Variants in RASAL2 observed in about 807,000 individuals in gnomAD.
RASAL2 encodes RAS protein activator like 2.
Under a neutral mutation model 128.9 loss-of-function variants are expected in RASAL2, and 58 were observed. That is an observed-to-expected ratio of 0.45 (90% CI 0.36 to 0.56). The LOEUF is 0.56. Among genes scored for constraint, RASAL2 ranks in the 20% least tolerant of loss-of-function variants. The probability of loss-of-function intolerance (pLI) is 0.00; values close to 1 mark genes in which losing one functional copy is unlikely to be tolerated. For missense variants in RASAL2, 1,360 were observed against 1,601.6 expected, an observed-to-expected ratio of 0.85 and a Z score of 2.57; for synonymous variants, 561 against 580.8, an observed-to-expected ratio of 0.97 and a Z score of 0.49.
At chr1:178,215,711 A>G (rs1241507916) in intron 1 of RASAL2, among the ~76,000 whole-genome samples, 2 of 152,172 alleles carry the variant, frequency 1.3e-5, no homozygotes, top group Admixed American at 6.5e-5. Flanking sequence ...AGTATTATGA[A>G]TGTTTATTTT....
chr1:178,305,005 A>G (rs1667926188), intron 3 of RASAL2, among the ~76,000 whole-genome samples: 1 of 152,240 alleles, frequency 6.6e-6, no homozygotes, highest in Non-Finnish European at 1.5e-5. Context: ...CTGTATGTTA[A>G]CAGTGAACAA....
intron 1 of RASAL2, among the ~76,000 whole-genome samples, chr1:178,201,101 A>G (rs1019589101): frequency 6.6e-6 from 1 of 152,220 alleles, no homozygotes; most frequent in African/African-American, 2.4e-5. Flanking sequence ...GAGTTCTCTA[A>G]TTTATATAAG....
At chr1:178,307,948 C>G (rs746128315) in intron 3 of RASAL2, among the ~76,000 whole-genome samples, 1 of 152,168 alleles carries the variant, frequency 6.6e-6, no homozygotes, top group Non-Finnish European at 1.5e-5. Flanking sequence ...AAATCCGAGG[C>G]TTTCTCAGTC....
intron 3 of RASAL2, chr1:178,341,438 C>G: frequency 5.5e-6 from 8 of 1,457,486 alleles, no homozygotes; most frequent in Non-Finnish European, 7.3e-6. Context: ...GGCATTGGCT[C>G]TGGCTTTTCT....
chr1:178,390,241 T>C (rs761847039), intron 4 of RASAL2, 35 bp downstream of exon 4: 2 of 1,489,178 alleles, frequency 1.3e-6, no homozygotes, highest in Non-Finnish European at 1.9e-6. Context: ...AATATTTTAC[T>C]TTTCCTTTTC....
At position 178,110,637 on chromosome 1, in the gene RASAL2, C is replaced by CATATATATATATATATATATATATATAT. The variant is rs1553250958; in HGVS notation, c.202+15959_202+15960insATATATATATATATATATATATATATAT. Among the ~76,000 whole-genome samples, 71 of 15,616 alleles carry CATATATATATATATATATATATATATAT rather than the reference C, an allele frequency of 4.5e-3. 1 individual carries two copies. The highest frequency in any genetic ancestry group is 8.8e-3 in the East Asian group (4 of 452). The allele number at this position is 15,616 out of a possible 152,430, so 10.2% of individuals were successfully genotyped here. Reference sequence around the variant, plus strand: ...CTATATACACTATATATAGTGTATACATATATATATATATATGTATGTATA... The same window carrying CATATATATATATATATATATATATATAT: ...CTATATACACTATATATAGTGTATACATATATATATATATATATATATATATATATATATATATATATATGTATGTATA... On this transcript the variant is annotated intron_variant, in intron 1 of 17. Coordinates refer to ENST00000367649, the MANE Select transcript of RASAL2 (RefSeq NM_170692.4).
Position 178,294,204 on chromosome 1 carries a change from T to G in RASAL2, c.331-5788T>G, listed in dbSNP as rs557707423. Among the ~76,000 whole-genome samples the G allele has an allele frequency of 5.9e-5, 9 of 152,268 alleles. 1 individual carries two copies. The highest frequency in any genetic ancestry group is 1.9e-4 in the African/African-American group (8 of 41,566). ...AACCCTTTTTAAGCAGAAGGACACT[T>G]TCTTTGTAGAAAGGCTTATGCAGAA... On this transcript the variant is annotated intron_variant, in intron 2 of 17. Transcript: ENST00000367649.
chr1:178,205,675 T>C (rs1663017091), intron 1 of RASAL2, among the ~76,000 whole-genome samples: 1 of 151,956 alleles, frequency 6.6e-6, no homozygotes, highest in Non-Finnish European at 1.5e-5. Flanking sequence ...GAGAATGGCA[T>C]GAACCCAGGA....
In RASAL2 at chr1:178,130,046, A is replaced by G. The variant is rs575919407; in HGVS notation, c.202+35352A>G. Among the ~76,000 whole-genome samples, 20 of 152,338 alleles carry G rather than the reference A, an allele frequency of 1.3e-4. No homozygotes were observed. In the East Asian group the frequency reaches 2.9e-3, roughly 22 times the overall value. ...CTTTTTATGATACACAGACATTTAC[A>G]TAATTAAGGAAAAGCTTCATTTCAA... On this transcript the variant is annotated intron_variant, in intron 1 of 17. Coordinates refer to ENST00000367649, the MANE Select transcript of RASAL2 (RefSeq NM_170692.4).
intron 3 of RASAL2, among the ~76,000 whole-genome samples, chr1:178,349,831 T>C (rs1224028331): frequency 6.6e-6 from 1 of 152,182 alleles, no homozygotes; most frequent in African/African-American, 2.4e-5. Context: ...CCTTGTTATA[T>C]TGGACGAAAA....
chr1:178,443,531 A>G (rs1307028236), intron 8 of RASAL2, among the ~76,000 whole-genome samples: 1 of 152,196 alleles, frequency 6.6e-6, no homozygotes, highest in Non-Finnish European at 1.5e-5. Context: ...CAGCATGTTC[A>G]AGGTTCCTTA....
rs943526311 is a variant in RASAL2, at chr1:178,281,324, G to A, written c.203-2240G>A. On this transcript the variant is annotated intron_variant, in intron 1 of 17. Transcript: ENST00000367649. ...TAGCACTAGAGGGGGATGGTTCGGG[G>A]TTCCAGAATGTTTTTTTGAGACATT... is the stretch of plus-strand genomic sequence containing the variant. Among the ~76,000 whole-genome samples the A allele has an allele frequency of 5.9e-5, 9 of 152,012 alleles. No individual in the cohort carries two copies. The East Asian group carries it at 1.7e-3, about 29-fold the overall frequency.
At chr1:178,332,955 C>G (rs1445933643) in intron 3 of RASAL2, among the ~76,000 whole-genome samples, 3 of 151,908 alleles carry the variant, frequency 2.0e-5, no homozygotes, top group Non-Finnish European at 2.9e-5. Flanking sequence ...CTCTGTGTGG[C>G]CTTGAGAAAT....
chr1:178,095,259 GTT>G (rs1658631763), intron 1 of RASAL2, among the ~76,000 whole-genome samples: 1 of 152,150 alleles, frequency 6.6e-6, no homozygotes, highest in South Asian at 2.1e-4. Context: ...TCTGAATCTC[GTT>G]GTAAAGTGAC....
At chr1:178,260,819 A>G (rs186566332) in intron 1 of RASAL2, among the ~76,000 whole-genome samples, 29 of 152,296 alleles carry the variant, frequency 1.9e-4, no homozygotes, top group Non-Finnish European at 3.5e-4. Flanking sequence ...GCTCTTCAAC[A>G]TGCCCACTTA....
chr1:178,333,032 T>A (rs960745413), intron 3 of RASAL2, among the ~76,000 whole-genome samples: 7 of 151,920 alleles, frequency 4.6e-5, no homozygotes, highest in Non-Finnish European at 5.9e-5. Context: ...TTTATTTATT[T>A]ATTAATTTTT....
chr1:178,291,065 A>G (rs1478506300), intron 2 of RASAL2, among the ~76,000 whole-genome samples: 2 of 152,164 alleles, frequency 1.3e-5, no homozygotes, highest in Non-Finnish European at 1.5e-5. Context: ...GAATGCCAAA[A>G]AAGTGTTTTA....
chr1:178,471,587 A>G (rs933792687), intron 17 of RASAL2, among the ~76,000 whole-genome samples: 1 of 152,092 alleles, frequency 6.6e-6, no homozygotes, highest in African/African-American at 2.4e-5. Context: ...TTTAAATGAT[A>G]ATGACAAGCA....
intron 1 of RASAL2, among the ~76,000 whole-genome samples, chr1:178,181,765 C>T (rs1387921385): frequency 6.6e-6 from 1 of 150,770 alleles, no homozygotes; most frequent in African/African-American, 2.4e-5. Context: ...AGTACCTCAA[C>T]TGGGATTTGC....
Sources: gnomAD v4.1 joint callset for allele counts (sites outside exome capture counted in the v4.1 genomes callset) on GRCh38, gnomAD v4.1.1 for gene constraint, MANE v1.5 for transcripts, NCBI Gene and HGNC (gene_info 2026-07-23, HGNC 2026-07-21) for gene names.